ABCA13: variants seen among roughly 807,000 people sequenced by gnomAD.
The protein encoded by ABCA13 is ATP-binding cassette sub-family A member 13.
A neutral mutation model predicts 478.7 loss-of-function variants in ABCA13; 476 were observed. The observed-to-expected ratio is 0.99, with a 90% CI of 0.92 to 1.07. ABCA13 has a LOEUF of 1.07. Ranked by LOEUF, ABCA13 falls within the 50% of genes least tolerant of loss-of-function variation. ABCA13 has a pLI of 0.00. For synonymous variants in ABCA13, 2,252 were observed against 2,158.9 expected (o/e 1.04, Z -1.20); for missense variants, 6,060 against 5,910.6 (o/e 1.03, Z -0.83).
At chr7:48,568,553 A>G (rs1032341448) in intron 55 of ABCA13, among the ~76,000 whole-genome samples, 3 of 152,044 alleles carry the variant, frequency 2.0e-5, no homozygotes, top group Non-Finnish European at 4.4e-5. Context: ...ACATCTATTT[A>G]TAAGAAATAA....
chr7:48,603,393 A>G (rs1223244450), intron 58 of ABCA13, among the ~76,000 whole-genome samples: 1 of 152,078 alleles, frequency 6.6e-6, no homozygotes, highest in Admixed American at 6.6e-5. Context: ...ATTATTTTGC[A>G]GTATGTTCCA....
intron 27 of ABCA13, among the ~76,000 whole-genome samples, chr7:48,333,972 T>G (rs1040920367): frequency 6.6e-6 from 1 of 152,300 alleles, no homozygotes; most frequent in African/African-American, 2.4e-5. Flanking sequence ...ACCAGTGTCA[T>G]CCGAGCTGAT....
intron 38 of ABCA13, among the ~76,000 whole-genome samples, chr7:48,403,248 A>G (rs1204102604): frequency 1.3e-5 from 2 of 152,230 alleles, no homozygotes; most frequent in Non-Finnish European, 2.9e-5. Flanking sequence ...GACAGTGGCC[A>G]GGGAGTGAAG....
intron 42 of ABCA13, among the ~76,000 whole-genome samples, chr7:48,436,077 A>G (rs10248371): frequency 0.3 from 44,916 of 150,902 alleles, 6,755 homozygotes; most frequent in East Asian, 0.37. Context: ...CAATTTTTTC[A>G]AAGAGTTCTA....
At chr7:48,605,609 G>A (rs1791386803) in intron 58 of ABCA13, among the ~76,000 whole-genome samples, 1 of 152,128 alleles carries the variant, frequency 6.6e-6, no homozygotes, top group Non-Finnish European at 1.5e-5. Flanking sequence ...TTCCCTTTTT[G>A]GGTAACCCGA....
At chr7:48,408,385 G>T (rs751151303) in intron 39 of ABCA13, among the ~76,000 whole-genome samples, 15 of 152,174 alleles carry the variant, frequency 9.9e-5, no homozygotes, top group Non-Finnish European at 1.8e-4. Flanking sequence ...CTAGTCAGAT[G>T]ATCTAAACTG....
intron 59 of ABCA13, among the ~76,000 whole-genome samples, chr7:48,632,055 G>A (rs1456654492): frequency 6.6e-6 from 1 of 152,168 alleles, no homozygotes; most frequent in Non-Finnish European, 1.5e-5. Context: ...ATCAAGTCCA[G>A]GAGTCTTCTG....
chr7:48,217,095 A>G (rs1327772128), intron 3 of ABCA13, among the ~76,000 whole-genome samples: 1 of 152,208 alleles, frequency 6.6e-6, no homozygotes, highest in Non-Finnish European at 1.5e-5. Context: ...CTGGATGTCT[A>G]TCCAAAGGAA....
At chr7:48,401,598 C>G (rs957230659) in intron 38 of ABCA13, among the ~76,000 whole-genome samples, 2 of 152,094 alleles carry the variant, frequency 1.3e-5, no homozygotes, top group Non-Finnish European at 1.5e-5. Flanking sequence ...ACCTTTATAC[C>G]CAATATGCAA....
intron 23 of ABCA13, among the ~76,000 whole-genome samples, chr7:48,307,823 G>T (rs1322959208): frequency 6.6e-6 from 1 of 152,000 alleles, no homozygotes; most frequent in African/African-American, 2.4e-5. Context: ...TGGGATTACA[G>T]GTGTACGCCA....
intron 55 of ABCA13, among the ~76,000 whole-genome samples, chr7:48,575,576 A>G (rs930097202): frequency 6.6e-6 from 1 of 152,336 alleles, no homozygotes; most frequent in South Asian, 2.1e-4. Flanking sequence ...TACTGTGTAG[A>G]TTAGAAGCCA....
intron 55 of ABCA13, among the ~76,000 whole-genome samples, chr7:48,572,095 A>T (rs1389525564): frequency 6.6e-6 from 1 of 152,156 alleles, no homozygotes; most frequent in Non-Finnish European, 1.5e-5. Context: ...CATGAGAATC[A>T]TTTGAATCCT....
intron 57 of ABCA13, among the ~76,000 whole-genome samples, chr7:48,590,779 G>A (rs879928320): frequency 6.6e-6 from 1 of 152,012 alleles, no homozygotes; most frequent in Admixed American, 6.5e-5. Flanking sequence ...CCATTTGCAT[G>A]TCTTCTTTTG....
chr7:48,239,382 A>G lies in ABCA13; in HGVS notation c.1039A>G (p.Ser347Gly). The change falls in exon 9 of 62, where the codon AGC becomes GGC. Residue 347 changes from serine to glycine, a missense_variant. Coordinates refer to ENST00000435803, the MANE Select transcript of ABCA13 (RefSeq NM_152701.5). ...CAAAAACTATCTTGTCCATGCAGTC[A>G]GCTGGCTGCGAGTCTACCAACAGGT... ...EAKNYLVHAV[S>G]WLRVYQQVFV... The G allele has an allele frequency of 6.2e-7, 1 of 1,613,624 alleles. No individual in the cohort carries two copies. Among genetic ancestry groups the G allele is most frequent in the Non-Finnish European group, 8.5e-7 (1 of 1,179,642 alleles).
At chr7:48,208,496 T>C (rs1466868429) in intron 3 of ABCA13, among the ~76,000 whole-genome samples, 2 of 152,130 alleles carry the variant, frequency 1.3e-5, no homozygotes, top group Non-Finnish European at 2.9e-5. Flanking sequence ...CAGGGTTTTA[T>C]AGTTTTCATT....
At chr7:48,326,872 A>G (rs1472248929) in intron 27 of ABCA13, among the ~76,000 whole-genome samples, 1 of 152,198 alleles carries the variant, frequency 6.6e-6, no homozygotes, top group African/African-American at 2.4e-5. Context: ...TAAGCTGCCA[A>G]ATTGGAATAT....
chr7:48,403,205 T>G (rs1328698683), intron 38 of ABCA13, among the ~76,000 whole-genome samples: 1 of 152,238 alleles, frequency 6.6e-6, no homozygotes. Context: ...ACATCTGCAT[T>G]AATCAGGAAG....
intron 10 of ABCA13, among the ~76,000 whole-genome samples, chr7:48,242,472 C>T (rs2129016068): frequency 6.6e-6 from 1 of 152,148 alleles, no homozygotes; most frequent in Admixed American, 6.5e-5. Flanking sequence ...CAGTCTTGCT[C>T]TGTTGCCCAG....
intron 34 of ABCA13, among the ~76,000 whole-genome samples, chr7:48,374,801 T>G (rs1813201721): frequency 6.6e-6 from 1 of 152,162 alleles, no homozygotes; most frequent in South Asian, 2.1e-4. Flanking sequence ...GTCCGTGGCC[T>G]GTTGGGAACT....
Sources: gnomAD v4.1 joint callset for allele counts (sites outside exome capture counted in the v4.1 genomes callset) on GRCh38, gnomAD v4.1.1 for gene constraint, MANE v1.5 for transcripts, NCBI Gene and HGNC (gene_info 2026-07-23, HGNC 2026-07-21) for gene names.